The following OLAH variants were observed in gnomAD, a reference collection of about 807,000 sequenced individuals.
OLAH encodes the protein oleoyl-ACP hydrolase.
In OLAH, 33 loss-of-function variants were observed where a neutral mutation model predicts 27.8. The observed-to-expected ratio is 1.19, with a 90% CI of 0.90 to 1.59. The LOEUF is 1.59. Among genes scored for constraint, OLAH ranks in the 40% most tolerant of loss-of-function variants. The pLI is 0.00. For missense variants in OLAH, 359 were observed against 310.8 expected, an observed-to-expected ratio of 1.16 and a Z score of -1.17; for synonymous variants, 120 against 102.9, an observed-to-expected ratio of 1.17 and a Z score of -1.01.
intron 2 of OLAH, among the ~76,000 whole-genome samples, 172 bp from the exon 3 acceptor site, chr10:15,049,463 C>T (rs993103675): frequency 1.3e-5 from 2 of 152,148 alleles, no homozygotes; most frequent in Non-Finnish European, 2.9e-5. Context: ...ATTGTCAACA[C>T]AGACTGTAAA....
At chr10:15,058,480 T>A (rs1422201418) in intron 3 of OLAH, among the ~76,000 whole-genome samples, 6 of 152,228 alleles carry the variant, frequency 3.9e-5, no homozygotes, top group Non-Finnish European at 8.8e-5. Flanking sequence ...TATAAGAGTG[T>A]TATTCCATTC....
At chr10:15,061,640 A>T in intron 3 of OLAH, 84 bp from the exon 4 acceptor site, 1 of 1,302,186 alleles carries the variant, frequency 7.7e-7, no homozygotes, top group Non-Finnish European at 1.0e-6. Flanking sequence ...AATTTTTTCC[A>T]TCAGGTAAAT....
At chr10:15,046,590 C>T (rs955281547) in intron 1 of OLAH, among the ~76,000 whole-genome samples, 1 of 152,020 alleles carries the variant, frequency 6.6e-6, no homozygotes, top group South Asian at 2.1e-4. Flanking sequence ...GCCTCAGCCT[C>T]CCAACTAGCT....
Position 15,065,654 on chromosome 10 carries a change from A to C in OLAH, c.473A>C (p.Glu158Ala). 1 of 1,614,116 alleles carries C rather than the reference A, an allele frequency of 6.2e-7. No individual in the cohort carries two copies. The highest frequency in any genetic ancestry group is 8.5e-7 in the Non-Finnish European group (1 of 1,180,014). ...GAACAAATAAGTCATTACCTTATGGAATTTGGAGGCACCCCCAAGCATTTT... is the reference window on the plus strand; with the variant it reads ...GAACAAATAAGTCATTACCTTATGGCATTTGGAGGCACCCCCAAGCATTTT... ...SEEQISHYLM[E>A]FGGTPKHFAE... The change falls in exon 6 of 8, where the codon GAA becomes GCA. Residue 158 changes from glutamate (E) to alanine (A), a missense_variant. Physicochemically the swap from Glu to Ala is moderately radical, Grantham distance 107. Coordinates refer to ENST00000378228, the MANE Select transcript of OLAH (RefSeq NM_001039702.3).
intron 6 of OLAH, among the ~76,000 whole-genome samples, chr10:15,066,416 G>A (rs1844468050): frequency 6.6e-6 from 1 of 151,884 alleles, no homozygotes; most frequent in Admixed American, 6.6e-5. Flanking sequence ...TAAGTGTGGA[G>A]GCAAACCAGT....
intron 7 of OLAH, 148 bp downstream of exon 7, chr10:15,072,025 C>A: frequency 1.7e-6 from 1 of 571,744 alleles, no homozygotes; most frequent in East Asian, 3.2e-5. Context: ...CCTCCGCCTC[C>A]CAGGTTCAAA....
At chr10:15,067,711 C>A (rs1844496083) in intron 6 of OLAH, among the ~76,000 whole-genome samples, 1 of 152,170 alleles carries the variant, frequency 6.6e-6, no homozygotes, top group South Asian at 2.1e-4. Context: ...CCCTCCTGCA[C>A]CTTCTCCTTT....
intron 3 of OLAH, chr10:15,057,049 G>A: frequency 2.3e-6 from 3 of 1,303,908 alleles, no homozygotes; most frequent in South Asian, 5.0e-5. Flanking sequence ...GGTGTCTTCT[G>A]ACTCACAGAA....
Position 15,073,421 on chromosome 10 carries a change from G to C in OLAH, c.*192G>C. ...AAGAATACTTCTGGCAGCACTTTGG[G>C]AGGCCAAGGCGGGCGGATCACGAGG... On this transcript the variant is annotated 3_prime_UTR_variant, in exon 8 of 8. Transcript: ENST00000378228. 2.0e-6 allele frequency: 1 copy of C among 490,422 alleles called. No individual in the cohort carries two copies. The highest frequency in any genetic ancestry group is 3.8e-5 in the East Asian group (1 of 26,068). The allele number at this position is 490,422 out of a possible 1,614,324, so 30.4% of individuals were successfully genotyped here.
At chr10:15,043,825 C>T (rs1037237027), upstream of OLAH, 7 of 152,104 alleles carry the variant, frequency 4.6e-5, no homozygotes, top group Admixed American at 2.0e-4. Flanking sequence ...ATTGTGTCTC[C>T]TCTGGGCCAC....
At chr10:15,043,873 T>C (rs571007142), upstream of OLAH, 4 of 152,364 alleles carry the variant, frequency 2.6e-5, no homozygotes, top group South Asian at 8.3e-4. Flanking sequence ...GTTTTCATTG[T>C]TCTTTCATAA....
chr10:15,072,581 A>C (rs1844611773), intron 7 of OLAH, among the ~76,000 whole-genome samples: 1 of 152,094 alleles, frequency 6.6e-6, no homozygotes, highest in Non-Finnish European at 1.5e-5. Context: ...CTTACAGATG[A>C]AGAGTATATA....
chr10:15,047,636 T>G (rs1589239815), intron 2 of OLAH, among the ~76,000 whole-genome samples: 1 of 151,926 alleles, frequency 6.6e-6, no homozygotes, highest in South Asian at 2.1e-4. Context: ...ACCTGGGAGG[T>G]GCAGGTTGCA....
At chr10:15,043,027 AT>A, upstream of OLAH, among the ~76,000 whole-genome samples, 1 of 151,466 alleles carries the variant, frequency 6.6e-6, no homozygotes, top group East Asian at 2.0e-4. Flanking sequence ...CACCCAGCTA[AT>A]TTTTTGTATT....
chr10:15,073,133 A>T lies in OLAH; in HGVS notation c.702A>T (p.Pro234=). 1.2e-6 allele frequency: 2 copies of T among 1,613,460 alleles called. No homozygotes were observed. The change falls in exon 8 of 8, where the codon CCA becomes CCT. Residue 234 remains proline, a synonymous_variant. Coordinates refer to ENST00000378228, the MANE Select transcript of OLAH (RefSeq NM_001039702.3). ...GAAATGCTAAAATTTACCAGCTTCC[A>T]GGGGGTCACTTTTATCTTCTGGATC... ...TSGNAKIYQL[P]GGHFYLLDPA...
At position 15,073,149 on chromosome 10, in the gene OLAH, C is replaced by A. The variant is rs1380275369; in HGVS notation, c.718C>A (p.Leu240Ile). The A allele has an allele frequency of 1.9e-6, 3 of 1,612,108 alleles. No homozygotes were observed. Among genetic ancestry groups the A allele is most frequent in the Non-Finnish European group, 2.5e-6 (3 of 1,178,392 alleles). Residue 240 changes from leucine (L) to isoleucine (I), a missense_variant, in exon 8 of 8, where the codon CTT becomes ATT. By Grantham distance (5) the Leu-to-Ile change is conservative. Coordinates refer to ENST00000378228, the MANE Select transcript of OLAH (RefSeq NM_001039702.3). ...CCAGCTTCCAGGGGGTCACTTTTAT[C>A]TTCTGGATCCTGCGAACGAGAAATT... ...IYQLPGGHFY[L>I]LDPANEKLIK...
chr10:15,036,860 C>CACG (rs1843847926), intron 1 of OLAH, among the ~76,000 whole-genome samples: 1 of 152,084 alleles, frequency 6.6e-6, no homozygotes, highest in Admixed American at 6.6e-5. Context: ...GCAGGCAGAT[C>CACG]ACGAGGTCAA....
intron 3 of OLAH, among the ~76,000 whole-genome samples, chr10:15,060,533 G>A (rs1589248842): frequency 6.6e-6 from 1 of 151,590 alleles, no homozygotes; most frequent in Admixed American, 6.6e-5. Flanking sequence ...TTTCTTCTTG[G>A]TATCTAGTCT....
At chr10:15,060,309 A>ACG (rs931235586) in intron 3 of OLAH, among the ~76,000 whole-genome samples, 1 of 152,090 alleles carries the variant, frequency 6.6e-6, no homozygotes, top group Non-Finnish European at 1.5e-5. Context: ...AACTGGGACT[A>ACG]CAGGTGCATG....
Sources: allele counts gnomAD v4.1 joint callset (sites outside exome capture counted in the v4.1 genomes callset), GRCh38; gene constraint gnomAD v4.1.1; transcripts MANE v1.5; gene names NCBI Gene and HGNC (gene_info 2026-07-23, HGNC 2026-07-21).